MYBPC1: variants seen among roughly 807,000 people sequenced by gnomAD.
MYBPC1 encodes myosin-binding protein C, slow-type.
Under a neutral mutation model 147.1 loss-of-function variants are expected in MYBPC1, and 52 were observed. The ratio of observed to expected loss-of-function variants is 0.35; its 90% confidence interval spans 0.28 to 0.45. The LOEUF (loss-of-function observed/expected upper bound fraction) is 0.45. MYBPC1 is among the 20% of genes least tolerant of loss of function. The pLI is 1.00. For missense variants in MYBPC1, 1,228 were observed against 1,440.3 expected, an observed-to-expected ratio of 0.85 and a Z score of 2.39; for synonymous variants, 477 against 475.9, an observed-to-expected ratio of 1.00 and a Z score of -0.03.
intron 2 of MYBPC1, 110 bp downstream of exon 2, chr12:101,614,641 C>A: frequency 9.1e-7 from 1 of 1,100,010 alleles, no homozygotes; most frequent in Non-Finnish European, 1.4e-6. Context: ...AACCTAACTC[C>A]TACTGAGAAG....
intron 22 of MYBPC1, chr12:101,664,461 T>C (rs910224364): frequency 2.0e-5 from 3 of 152,182 alleles, no homozygotes; most frequent in African/African-American, 7.2e-5. Flanking sequence ...GAAAACTCTT[T>C]GGACACCAAA....
intron 4 of MYBPC1, 68 bp from the exon 5 acceptor site, chr12:101,627,701 G>T: frequency 6.4e-7 from 1 of 1,553,336 alleles, no homozygotes; most frequent in Non-Finnish European, 8.9e-7. Flanking sequence ...CAAGAAGGTT[G>T]AAGTCAGCAC....
chr12:101,691,302 C>A, the MYBPC1 span, among the ~76,000 whole-genome samples: 7 of 152,104 alleles, frequency 4.6e-5, no homozygotes, highest in Admixed American at 1.3e-4. Context: ...AAACTCCTGG[C>A]CTCAAGTGAT....
chr12:101,629,692 G>A (rs1889456807), intron 6 of MYBPC1, 148 bp downstream of exon 6: 1 of 663,650 alleles, frequency 1.5e-6, no homozygotes, highest in Non-Finnish European at 2.7e-6. Flanking sequence ...GGCCAACATG[G>A]TGAAACCCAG....
intron 10 of MYBPC1, chr12:101,637,299 T>C (rs1037993314): frequency 1.2e-4 from 19 of 153,214 alleles, no homozygotes; most frequent in African/African-American, 4.3e-4. Context: ...AAAATGGAAA[T>C]AAAAGTTTAG....
At chr12:101,688,619 T>C (rs1951380680), downstream of MYBPC1, among the ~76,000 whole-genome samples, 1 of 140,922 alleles carries the variant, frequency 7.1e-6, no homozygotes, top group Non-Finnish European at 1.6e-5. Flanking sequence ...ATTGAATGTC[T>C]GATATCTGCA....
At chr12:101,669,953 A>AAAAAC in intron 23 of MYBPC1, 2 of 343,176 alleles carry the variant, frequency 5.8e-6, no homozygotes, top group Non-Finnish European at 1.1e-5. Flanking sequence ...AAAAAAAAAG[A>AAAAAC]AACTATGAAA....
chr12:101,684,479 C>A, intron 31 of MYBPC1, 55 bp downstream of exon 31: 2 of 1,340,666 alleles, frequency 1.5e-6, no homozygotes, highest in Non-Finnish European at 2.1e-6. Context: ...TAAGCCATAC[C>A]AAGCCTGTGG....
At position 101,632,371 on chromosome 12, in the gene MYBPC1, T is replaced by C. The variant is rs368542578; in HGVS notation, c.556+233T>C. ...AAATATCTCTTGTCCATGCTATCTATATTCTTTCAATCTCCCAGATAAAAG... is the reference window on the plus strand; with the variant it reads ...AAATATCTCTTGTCCATGCTATCTACATTCTTTCAATCTCCCAGATAAAAG... On this transcript the variant is annotated intron_variant, in intron 8 of 31. Coordinates refer to ENST00000361466, the MANE Select transcript of MYBPC1 (RefSeq NM_002465.4). Among the ~76,000 whole-genome samples the C allele has an allele frequency of 3.1e-4, 47 of 152,328 alleles. 2 individuals carry two copies. In the South Asian group the frequency reaches 9.1e-3, roughly 30 times the overall value.
intron 19 of MYBPC1, 168 bp downstream of exon 19, chr12:101,659,999 C>T: frequency 1.1e-6 from 1 of 885,526 alleles, no homozygotes; most frequent in Non-Finnish European, 1.8e-6. Flanking sequence ...GAGCTAAGGT[C>T]AGCCATTTGG....
intron 1 of MYBPC1, among the ~76,000 whole-genome samples, chr12:101,605,656 T>C (rs1476968568): frequency 1.3e-5 from 2 of 151,444 alleles, no homozygotes; most frequent in Non-Finnish European, 2.9e-5. Flanking sequence ...AGGTCAGGAG[T>C]TTGAGACCAG....
chr12:101,629,040 G>A (rs772465427), intron 5 of MYBPC1: 24 of 304,252 alleles, frequency 7.9e-5, no homozygotes, highest in Non-Finnish European at 1.3e-4. Flanking sequence ...TAGTTGTATC[G>A]ATGTGGCCTT....
At chr12:101,674,862 C>CAAAAAAAAAAAAAAAAAAAAAAA (rs62824364) in intron 25 of MYBPC1, among the ~76,000 whole-genome samples, 7 of 59,832 alleles carry the variant, frequency 1.2e-4, no homozygotes, top group African/African-American at 4.9e-4. Context: ...ACTCTGTCTC[C>CAAAAAAAAAAAAAAAAAAAAAAA]AAAAAAAAAA....
chr12:101,598,808 C>T (rs1021170338), intron 1 of MYBPC1, among the ~76,000 whole-genome samples: 2 of 152,078 alleles, frequency 1.3e-5, no homozygotes, highest in African/African-American at 4.8e-5. Context: ...TCTCGAACTC[C>T]TGGGCTCAAG....
intron 29 of MYBPC1, among the ~76,000 whole-genome samples, chr12:101,682,370 T>C (rs559999824): frequency 3.3e-5 from 5 of 152,188 alleles, no homozygotes; most frequent in Non-Finnish European, 7.4e-5. Context: ...TAGTAAATGG[T>C]ACAGTAATTA....
At chr12:101,652,362 A>G (rs989156594) in intron 16 of MYBPC1, among the ~76,000 whole-genome samples, 4 of 152,214 alleles carry the variant, frequency 2.6e-5, no homozygotes, top group African/African-American at 4.8e-5. Context: ...GTATAGCATT[A>G]TTGATATGTT....
intron 24 of MYBPC1, among the ~76,000 whole-genome samples, chr12:101,671,808 A>G (rs1392800040): frequency 6.6e-6 from 1 of 152,162 alleles, no homozygotes; most frequent in Non-Finnish European, 1.5e-5. Context: ...GACCGCATAG[A>G]TCTGGCATCC....
At chr12:101,645,463 T>G (rs917210815) in intron 12 of MYBPC1, among the ~76,000 whole-genome samples, 1 of 152,142 alleles carries the variant, frequency 6.6e-6, no homozygotes, top group Non-Finnish European at 1.5e-5. Context: ...CTCCAATATA[T>G]TTTTTTAGGT....
chr12:101,653,045 G>A, intron 17 of MYBPC1, 70 bp from the exon 18 acceptor site: 1 of 1,561,360 alleles, frequency 6.4e-7, no homozygotes, highest in Non-Finnish European at 8.8e-7. Flanking sequence ...CATCATACTA[G>A]CCAAACATTA....
Sources: gnomAD v4.1 joint callset for allele counts (sites outside exome capture counted in the v4.1 genomes callset) on GRCh38, gnomAD v4.1.1 for gene constraint, MANE v1.5 for transcripts, NCBI Gene and HGNC (gene_info 2026-07-23, HGNC 2026-07-21) for gene names.